The following KHDRBS2 variants were observed in gnomAD, a reference collection of about 807,000 sequenced individuals.
The protein encoded by KHDRBS2 is KH domain-containing, RNA-binding, signal transduction-associated protein 2.
A neutral mutation model predicts 44.3 loss-of-function variants in KHDRBS2; 26 were observed. That is an observed-to-expected ratio of 0.59 (90% CI 0.43 to 0.81). The LOEUF (loss-of-function observed/expected upper bound fraction) is 0.81, where lower values mean the gene tolerates loss of function less well. KHDRBS2 is among the 40% of genes least tolerant of loss of function. The probability of loss-of-function intolerance (pLI) is 0.00; values close to 1 mark genes in which losing one functional copy is unlikely to be tolerated. For missense variants in KHDRBS2, 476 were observed against 433.1 expected, an observed-to-expected ratio of 1.10 and a Z score of -0.88; for synonymous variants, 194 against 151.1, an observed-to-expected ratio of 1.28 and a Z score of -2.08.
chr6:61,546,511 A>G, the KHDRBS2 span, among the ~76,000 whole-genome samples: 1 of 152,188 alleles, frequency 6.6e-6, no homozygotes, highest in East Asian at 1.9e-4. Context: ...TTAAGTTTCT[A>G]TGGCATATTT....
intron 4 of KHDRBS2, among the ~76,000 whole-genome samples, chr6:61,926,771 T>A (rs936984907): frequency 5.9e-5 from 9 of 152,082 alleles, no homozygotes; most frequent in Middle Eastern, 3.2e-3. Flanking sequence ...TTTGGTGTCA[T>A]TCACAAGTTG....
At chr6:61,564,131 T>G in the KHDRBS2 span, among the ~76,000 whole-genome samples, 159 of 152,182 alleles carry the variant, frequency 1.0e-3, no homozygotes, top group African/African-American at 3.7e-3. Flanking sequence ...AAAACAAATT[T>G]TTCTCAAAAT....
chr6:61,604,362 C>A, the KHDRBS2 span, among the ~76,000 whole-genome samples: 1 of 152,184 alleles, frequency 6.6e-6, no homozygotes, highest in African/African-American at 2.4e-5. Flanking sequence ...AGTATTCCAA[C>A]TTTTATCCCT....
intron 1 of KHDRBS2, among the ~76,000 whole-genome samples, chr6:62,200,877 C>T (rs6926855): frequency 0.12 from 18,129 of 151,762 alleles, 1,390 homozygotes; most frequent in Non-Finnish European, 0.15. Context: ...AAATGTGGCA[C>T]ATATACACCA....
intron 6 of KHDRBS2, among the ~76,000 whole-genome samples, chr6:61,888,191 G>A (rs1407354652): frequency 6.6e-6 from 1 of 152,062 alleles, no homozygotes; most frequent in African/African-American, 2.4e-5. Context: ...TGTTTATATT[G>A]TGCAAACTTC....
chr6:62,093,212 C>A (rs1475736000), intron 2 of KHDRBS2, among the ~76,000 whole-genome samples: 3 of 150,026 alleles, frequency 2.0e-5, no homozygotes, highest in East Asian at 1.9e-4. Flanking sequence ...ATTATCCTGA[C>A]CTTAGATAAA....
chr6:61,815,005 T>C (rs1257361965), intron 6 of KHDRBS2, among the ~76,000 whole-genome samples: 1 of 152,074 alleles, frequency 6.6e-6, no homozygotes, highest in Non-Finnish European at 1.5e-5. Flanking sequence ...CCTACTATAA[T>C]GTAAATGCTA....
At chr6:61,715,178 C>T (rs1305659599) in intron 7 of KHDRBS2, among the ~76,000 whole-genome samples, 1 of 151,504 alleles carries the variant, frequency 6.6e-6, no homozygotes, top group Non-Finnish European at 1.5e-5. Context: ...ACTAAGAAAC[C>T]AAAGAAAACA....
intron 2 of KHDRBS2, among the ~76,000 whole-genome samples, chr6:62,127,186 T>C (rs1163586183): frequency 1.3e-5 from 2 of 152,154 alleles, no homozygotes; most frequent in South Asian, 2.1e-4. Flanking sequence ...ACCTACAGTA[T>C]TGAAATACAA....
chr6:61,621,048 A>T, the KHDRBS2 span, among the ~76,000 whole-genome samples: 1 of 152,150 alleles, frequency 6.6e-6, no homozygotes. Flanking sequence ...AAGTGACCCC[A>T]TTAATATAGA....
the KHDRBS2 span, among the ~76,000 whole-genome samples, chr6:61,597,452 T>C: frequency 6.6e-6 from 1 of 151,986 alleles, no homozygotes; most frequent in African/African-American, 2.4e-5. Context: ...GGCACCTTGA[T>C]TGTGTTCCTC....
chr6:62,038,619 G>A (rs551284309), intron 3 of KHDRBS2, among the ~76,000 whole-genome samples: 45 of 152,106 alleles, frequency 3.0e-4, no homozygotes, highest in African/African-American at 9.2e-4. Flanking sequence ...TGCTGATGAC[G>A]CACTTGAGTT....
intron 2 of KHDRBS2, among the ~76,000 whole-genome samples, chr6:62,078,492 T>C (rs571321989): frequency 6.6e-6 from 1 of 151,990 alleles, no homozygotes; most frequent in Non-Finnish European, 1.5e-5. Flanking sequence ...AAGGGAATAA[T>C]TTTTATGACT....
At chr6:61,571,426 A>G in the KHDRBS2 span, among the ~76,000 whole-genome samples, 1 of 152,124 alleles carries the variant, frequency 6.6e-6, no homozygotes. Flanking sequence ...TAAAACAATT[A>G]CTACTAGACC....
chr6:62,106,868 A>G (rs1269121269), intron 2 of KHDRBS2, among the ~76,000 whole-genome samples: 1 of 152,012 alleles, frequency 6.6e-6, no homozygotes, highest in Non-Finnish European at 1.5e-5. Context: ...TAGATGCAGA[A>G]AAGGCCTTTG....
intron 6 of KHDRBS2, among the ~76,000 whole-genome samples, chr6:61,795,751 G>A (rs1455286222): frequency 6.6e-6 from 1 of 152,044 alleles, no homozygotes; most frequent in South Asian, 2.1e-4. Flanking sequence ...TTGTTGCAGA[G>A]TATATATTTG....
chr6:61,721,795 G>T (rs1422111752), intron 7 of KHDRBS2, among the ~76,000 whole-genome samples: 1 of 82,382 alleles, frequency 1.2e-5, no homozygotes, highest in East Asian at 4.3e-4. Flanking sequence ...TAATTGCCCT[G>T]GCCAGAACTT....
At chr6:61,976,097 C>G (rs1433320867) in intron 4 of KHDRBS2, among the ~76,000 whole-genome samples, 1 of 152,092 alleles carries the variant, frequency 6.6e-6, no homozygotes, top group African/African-American at 2.4e-5. Flanking sequence ...TATTTTCATT[C>G]TTCATCTGAG....
the KHDRBS2 span, among the ~76,000 whole-genome samples, chr6:61,593,204 G>A: frequency 1.3e-5 from 2 of 152,132 alleles, no homozygotes; most frequent in African/African-American, 4.8e-5. Context: ...AGGCGTGAAG[G>A]CTGCTTATAA....
Sources: allele counts gnomAD v4.1 joint callset (sites outside exome capture counted in the v4.1 genomes callset), GRCh38; gene constraint gnomAD v4.1.1; transcripts MANE v1.5; gene names NCBI Gene and HGNC (gene_info 2026-07-23, HGNC 2026-07-21).